Variants in COL6A6 observed in about 807,000 individuals in gnomAD.
COL6A6 encodes collagen alpha-6(VI) chain.
A neutral mutation model predicts 208.6 loss-of-function variants in COL6A6; 183 were observed. The observed-to-expected ratio is 0.88, with a 90% CI of 0.78 to 0.99. The LOEUF is 0.99. Ranked by LOEUF, COL6A6 falls within the 50% of genes least tolerant of loss-of-function variation. COL6A6 has a pLI of 0.00. For synonymous variants in COL6A6, 973 were observed against 1,011.8 expected (o/e 0.96, Z 0.73); for missense variants, 2,816 against 2,815.2 (o/e 1.00, Z -0.01).
intron 24 of COL6A6, among the ~76,000 whole-genome samples, chr3:130,622,534 T>C (rs2064758051): frequency 6.6e-6 from 1 of 152,062 alleles, no homozygotes; most frequent in Non-Finnish European, 1.5e-5. Context: ...TAGAAGTATT[T>C]CTGGGATGCA....
chr3:130,608,473 C>T (rs1277446117), intron 21 of COL6A6, among the ~76,000 whole-genome samples: 1 of 152,048 alleles, frequency 6.6e-6, no homozygotes, highest in African/African-American at 2.4e-5. Flanking sequence ...GAAGAGAATG[C>T]TCAACTTTTG....
rs1338004154 is a variant in COL6A6, at chr3:130,627,213, G to A, written c.4942-106G>A. 2.9e-6 allele frequency: 3 copies of A among 1,018,760 alleles called. No homozygotes were observed. In the African/African-American group the frequency reaches 4.8e-5, roughly 16 times the overall value. 63.1% of individuals were successfully genotyped at this position (1,018,760 alleles called of 1,614,324 possible). A position where few individuals can be genotyped will look rare whatever the true frequency, so the allele number is the denominator to read the frequency against. On this transcript the variant is annotated intron_variant, in intron 25 of 36. Transcript: ENST00000358511. ...CCCTAGAAGGAGGATCCTGTGTCCTGCTTTTCCTTTATCAAACCAAAAAGC... is the reference window on the plus strand; with the variant it reads ...CCCTAGAAGGAGGATCCTGTGTCCTACTTTTCCTTTATCAAACCAAAAAGC...
intron 33 of COL6A6, among the ~76,000 whole-genome samples, chr3:130,655,220 T>C (rs934356924): frequency 5.9e-5 from 9 of 152,114 alleles, no homozygotes; most frequent in Non-Finnish European, 1.2e-4. Flanking sequence ...TTTGTTTGGG[T>C]TAAATCTTTC....
rs2063163023 is a variant in COL6A6 at position 130,571,357 on chromosome 3, G to C, written c.2941G>C (p.Asp981His). Residue 981 changes from aspartate to histidine, a missense_variant, in exon 7 of 37, where the codon GAT becomes CAT. Physicochemically the swap from Asp to His is moderately conservative, Grantham distance 81. Coordinates refer to ENST00000358511, the MANE Select transcript of COL6A6 (RefSeq NM_001102608.3). The part of the protein sequence containing the change: ...TFGGLKGIFS[D>H]VTASVCNSSK... ...TGGAGGTCTGAAGGGAATATTTTCAGATGTGACAGCCAGTGTCTGCAACTC... is the reference window on the plus strand; with the variant it reads ...TGGAGGTCTGAAGGGAATATTTTCACATGTGACAGCCAGTGTCTGCAACTC... The C allele has an allele frequency of 1.9e-6, 3 of 1,598,226 alleles. No homozygotes were observed. Among genetic ancestry groups the C allele is most frequent in the Non-Finnish European group, 2.6e-6 (3 of 1,174,042 alleles).
At chr3:130,526,303 C>T (rs2061960716) in intron 1 of COL6A6, among the ~76,000 whole-genome samples, 1 of 151,860 alleles carries the variant, frequency 6.6e-6, no homozygotes, top group African/African-American at 2.4e-5. Flanking sequence ...CAAGCAGGAA[C>T]AACTTTGGGC....
intron 7 of COL6A6, among the ~76,000 whole-genome samples, chr3:130,572,483 C>G (rs929984368): frequency 6.6e-6 from 1 of 152,184 alleles, no homozygotes; most frequent in African/African-American, 2.4e-5. Flanking sequence ...TAAAACTCAT[C>G]TAACTTCTCT....
intron 1 of COL6A6, among the ~76,000 whole-genome samples, chr3:130,537,348 A>G (rs1577634621): frequency 6.6e-6 from 1 of 152,210 alleles, no homozygotes; most frequent in East Asian, 1.9e-4. Flanking sequence ...GGCTCTTAGA[A>G]TAATGGCTGG....
chr3:130,622,286 GT>G (rs1479504086), intron 24 of COL6A6, among the ~76,000 whole-genome samples: 2 of 144,204 alleles, frequency 1.4e-5, no homozygotes, highest in Non-Finnish European at 3.0e-5. Flanking sequence ...TGTACTGAGC[GT>G]TCGGTTGGGC....
chr3:130,535,823 G>T (rs1376721867), intron 1 of COL6A6, among the ~76,000 whole-genome samples: 1 of 151,958 alleles, frequency 6.6e-6, no homozygotes, highest in African/African-American at 2.4e-5. Context: ...TTTAATATAG[G>T]GTTCCAGTAA....
In COL6A6 at chr3:130,568,149, T is replaced by C. The variant is rs1294857888; in HGVS notation, c.1946T>C (p.Val649Ala). The C allele has an allele frequency of 2.5e-6, 4 of 1,613,926 alleles. No individual in the cohort carries two copies. The highest frequency in any genetic ancestry group is 3.4e-6 in the Non-Finnish European group (4 of 1,179,906). The part of the protein sequence containing the change: ...SKMKTFMKNL[V>A]SKSQIGPDRV... ...ATGAAAACATTTATGAAAAACCTGGTGAGCAAGTCTCAGATTGGACCAGAT... is the reference window on the plus strand; with the variant it reads ...ATGAAAACATTTATGAAAAACCTGGCGAGCAAGTCTCAGATTGGACCAGAT... Residue 649 changes from valine to alanine, a missense_variant, in exon 6 of 37, where the codon GTG becomes GCG. Coordinates refer to ENST00000358511, the MANE Select transcript of COL6A6 (RefSeq NM_001102608.3).
intron 1 of COL6A6, among the ~76,000 whole-genome samples, chr3:130,540,562 A>G (rs569576739): frequency 1.8e-4 from 27 of 152,246 alleles, no homozygotes; most frequent in African/African-American, 6.3e-4. Flanking sequence ...ACAAAGGTAA[A>G]CATGTGCCAT....
chr3:130,550,717 C>T (rs1164866023), intron 1 of COL6A6, among the ~76,000 whole-genome samples: 1 of 152,182 alleles, frequency 6.6e-6, no homozygotes, highest in African/African-American at 2.4e-5. Flanking sequence ...GATTAAATTA[C>T]CTCCCCCTGG....
intron 1 of COL6A6, among the ~76,000 whole-genome samples, chr3:130,547,514 T>G (rs1017331166): frequency 9.1e-4 from 139 of 152,306 alleles, no homozygotes; most frequent in Middle Eastern, 3.4e-3. Context: ...GCTCCTATAG[T>G]GCAGTGGCGG....
intron 1 of COL6A6, among the ~76,000 whole-genome samples, chr3:130,518,291 G>T (rs186899073): frequency 6.6e-6 from 1 of 152,120 alleles, no homozygotes; most frequent in South Asian, 2.1e-4. Context: ...TTTCTGTTAA[G>T]AATTCTATAG....
chr3:130,670,163 G>T (rs1051942085), intron 36 of COL6A6, among the ~76,000 whole-genome samples: 1 of 152,236 alleles, frequency 6.6e-6, no homozygotes, highest in Non-Finnish European at 1.5e-5. Context: ...AAACAGGCCT[G>T]TGAATTAAGT....
chr3:130,602,687 A>G (rs911317037), intron 20 of COL6A6, among the ~76,000 whole-genome samples: 7 of 152,224 alleles, frequency 4.6e-5, no homozygotes, highest in African/African-American at 1.7e-4. Context: ...TTTTTCTTCA[A>G]GTAAAATTAG....
chr3:130,609,709 G>T (rs1020587338), intron 22 of COL6A6, among the ~76,000 whole-genome samples: 3 of 152,084 alleles, frequency 2.0e-5, no homozygotes, highest in Non-Finnish European at 4.4e-5. Context: ...TTTGGCATAG[G>T]CAGGACAATC....
At position 130,567,200 on chromosome 3, in the gene COL6A6, A is replaced by G. The variant is rs768918615; in HGVS notation, c.1781A>G (p.His594Arg). ...GAGGAAAAGAGAGTGTATTACGTGC[A>G]TGACTTTGATGCATTGAAAGACATA... ...AGEEKRVYYV[H>R]DFDALKDIRN... Residue 594 changes from histidine to arginine, a missense_variant, in exon 5 of 37, where the codon CAT becomes CGT. Physicochemically the swap from His to Arg is conservative, Grantham distance 29 (BLOSUM62 0). Transcript: ENST00000358511. 3 of 1,613,474 alleles carry G rather than the reference A, an allele frequency of 1.9e-6. No individual in the cohort carries two copies. The highest frequency in any genetic ancestry group is 2.2e-5 in the East Asian group (1 of 44,890).
At chr3:130,569,460 C>T (rs2063108490) in intron 6 of COL6A6, among the ~76,000 whole-genome samples, 1 of 152,058 alleles carries the variant, frequency 6.6e-6, no homozygotes, top group African/African-American at 2.4e-5. Flanking sequence ...TTATATGTGA[C>T]CCATAGGGCT....
Sources: allele counts gnomAD v4.1 joint callset (sites outside exome capture counted in the v4.1 genomes callset), GRCh38; gene constraint gnomAD v4.1.1; transcripts MANE v1.5; gene names NCBI Gene and HGNC (gene_info 2026-07-23, HGNC 2026-07-21).